Variants in CNTN4 observed in about 807,000 individuals in gnomAD.
CNTN4 encodes the protein contactin-4.
In CNTN4, 77 loss-of-function variants were observed where a neutral mutation model predicts 122.5. The ratio of observed to expected loss-of-function variants is 0.63; its 90% CI spans 0.52 to 0.76. CNTN4 has a LOEUF of 0.76. Among genes scored for constraint, CNTN4 ranks in the 30% least tolerant of loss-of-function variants. The pLI, the probability that CNTN4 is intolerant of heterozygous loss-of-function variation, is 0.00. For synonymous variants in CNTN4, 512 were observed against 447.0 expected (o/e 1.15, Z -1.83); for missense variants, 1,256 against 1,259.1 (o/e 1.00, Z 0.04).
chr3:2,162,423 T>C (rs72622125), intron 2 of CNTN4, among the ~76,000 whole-genome samples: 51,746 of 151,864 alleles, frequency 0.34, 9,399 homozygotes, highest in Admixed American at 0.44. Flanking sequence ...TGTTTTGTTT[T>C]AGTTTTGTTT....
At chr3:2,926,787 T>TA (rs377385084) in intron 13 of CNTN4, among the ~76,000 whole-genome samples, 1 of 151,902 alleles carries the variant, frequency 6.6e-6, no homozygotes, top group African/African-American at 2.4e-5. Flanking sequence ...ATACTTTTTT[T>TA]AACACTTGCT....
At chr3:2,268,901 C>G (rs1370179326) in intron 2 of CNTN4, among the ~76,000 whole-genome samples, 3 of 152,064 alleles carry the variant, frequency 2.0e-5, no homozygotes, top group Non-Finnish European at 1.5e-5. Flanking sequence ...GTTTCTCCTC[C>G]TTTTTATATA....
Position 2,736,354 on chromosome 3 carries a change from A to G in CNTN4, c.182+13A>G, listed in dbSNP as rs774141536. 6.2e-7 allele frequency: 1 copy of G among 1,612,464 alleles called. No individual in the cohort carries two copies. Among genetic ancestry groups the G allele is most frequent in the East Asian group, 2.2e-5 (1 of 44,762 alleles). On this transcript the variant is annotated intron_variant, in intron 5 of 24. Transcript: ENST00000418658. ...AACCTCATATCAGGTTTGTTGATGTAAAAGCATGTGTTTCCATGCATATAG... is the reference window on the plus strand; with the variant it reads ...AACCTCATATCAGGTTTGTTGATGTGAAAGCATGTGTTTCCATGCATATAG...
At chr3:2,532,661 A>G (rs73001906) in intron 3 of CNTN4, among the ~76,000 whole-genome samples, 21,935 of 152,186 alleles carry the variant, frequency 0.14, 1,717 homozygotes, top group Non-Finnish European at 0.17. Flanking sequence ...ACTCTCAAAA[A>G]GCTTAATTTA....
chr3:2,209,588 C>T (rs1302543683), intron 2 of CNTN4, among the ~76,000 whole-genome samples: 7 of 152,104 alleles, frequency 4.6e-5, no homozygotes, highest in Admixed American at 3.9e-4. Flanking sequence ...TAGTTTGCCA[C>T]TTACTATGAT....
chr3:2,992,940 A>C (rs1695184179), intron 14 of CNTN4, among the ~76,000 whole-genome samples: 1 of 151,968 alleles, frequency 6.6e-6, no homozygotes, highest in African/African-American at 2.4e-5. Flanking sequence ...AACAAATCTA[A>C]CTCCTAGGGA....
intron 3 of CNTN4, among the ~76,000 whole-genome samples, chr3:2,554,025 G>C (rs2078621079): frequency 6.6e-6 from 1 of 152,106 alleles, no homozygotes; most frequent in African/African-American, 2.4e-5. Context: ...TCGGTGTACT[G>C]TATATGAATT....
At chr3:2,718,057 ACT>A (rs1344699255) in intron 4 of CNTN4, among the ~76,000 whole-genome samples, 2 of 152,126 alleles carry the variant, frequency 1.3e-5, no homozygotes, top group African/African-American at 4.8e-5. Flanking sequence ...TATGTTGAAT[ACT>A]AGATTATTAT....
rs1373275706 is a variant in CNTN4, at chr3:2,498,510, T to G, written c.-88-72906T>G. Among the ~76,000 whole-genome samples, 24 of 71,832 alleles carry G rather than the reference T, an allele frequency of 3.3e-4. No homozygotes were observed. The South Asian group carries it at 0.01, about 30-fold the overall frequency. 47.1% of individuals were successfully genotyped at this position (71,832 alleles called of 152,430 possible). On this transcript the variant is annotated intron_variant, in intron 3 of 24. Transcript: ENST00000418658. ...GTTGTTGTTGGAGACAGGATCTCGC[T>G]TTGTCACCCAGGCTGGAGTGCATGC... is the stretch of plus-strand genomic sequence containing the variant.
chr3:2,857,288 C>T (rs545732703), intron 7 of CNTN4, among the ~76,000 whole-genome samples: 2 of 152,174 alleles, frequency 1.3e-5, no homozygotes, highest in Non-Finnish European at 2.9e-5. Context: ...CTTTTATGTG[C>T]TTTCCACATT....
chr3:2,469,105 T>C (rs1228156651), intron 3 of CNTN4, among the ~76,000 whole-genome samples: 1 of 152,182 alleles, frequency 6.6e-6, no homozygotes, highest in Non-Finnish European at 1.5e-5. Flanking sequence ...AACTGGTAGT[T>C]AGCTAACCAC....
chr3:3,037,207 C>G lies in CNTN4; in HGVS notation c.1971C>G (p.Phe657Leu). ...TVPELIDGKT[F>L]TATVVGLNPW... The stretch of plus-strand genomic sequence containing the variant: ...CAGAACTCATTGATGGGAAGACATT[C>G]ACAGCGACCGTGGTGGGTTTGAACC... The change falls in exon 18 of 25, where the codon TTC becomes TTG. Residue 657 changes from phenylalanine (F) to leucine (L), a missense_variant. Transcript: ENST00000418658. The G allele has an allele frequency of 6.2e-7, 1 of 1,614,186 alleles. No individual in the cohort carries two copies. Among genetic ancestry groups the G allele is most frequent in the Non-Finnish European group, 8.5e-7 (1 of 1,180,040 alleles).
intron 7 of CNTN4, among the ~76,000 whole-genome samples, chr3:2,850,734 C>T (rs73003230): frequency 0.041 from 6,209 of 152,228 alleles, 159 homozygotes; most frequent in Non-Finnish European, 0.062. Flanking sequence ...AAAGTCATTA[C>T]CTATGCGAAC....
At chr3:2,944,835 G>A (rs377592084) in intron 13 of CNTN4, among the ~76,000 whole-genome samples, 28 of 152,324 alleles carry the variant, frequency 1.8e-4, no homozygotes, top group African/African-American at 6.5e-4. Context: ...CTGCAGGGAA[G>A]TGAGAAAGGC....
chr3:2,845,224 A>G (rs2093434624), intron 7 of CNTN4, among the ~76,000 whole-genome samples: 1 of 152,170 alleles, frequency 6.6e-6, no homozygotes, highest in South Asian at 2.1e-4. Context: ...CTCTAGTATA[A>G]TTCTGTACTC....
At chr3:2,349,520 C>A (rs1222990699) in intron 3 of CNTN4, among the ~76,000 whole-genome samples, 1 of 152,128 alleles carries the variant, frequency 6.6e-6, no homozygotes, top group African/African-American at 2.4e-5. Context: ...TCCATGATTT[C>A]AGCAACACAG....
intron 2 of CNTN4, among the ~76,000 whole-genome samples, chr3:2,327,331 A>T (rs2043505518): frequency 1.3e-5 from 2 of 152,322 alleles, no homozygotes; most frequent in Admixed American, 6.5e-5. Flanking sequence ...TGTGTAGCTC[A>T]ATTCAGTAAA....
Position 2,166,253 on chromosome 3 carries a change from T to A in CNTN4, c.-145+65614T>A, listed in dbSNP as rs754669128. The stretch of plus-strand genomic sequence containing the variant: ...TTAGTATTCATCAGGGAAACGCAAA[T>A]CAAAACCACAATGAAATCTCATCTC... On this transcript the variant is annotated intron_variant, in intron 2 of 24. Transcript: ENST00000418658. Among the ~76,000 whole-genome samples, 80 of 152,202 alleles carry A rather than the reference T, an allele frequency of 5.3e-4. No individual in the cohort carries two copies. The Middle Eastern group carries it at 0.01, about 19-fold the overall frequency.
chr3:2,957,262 C>A (rs1181197571), intron 13 of CNTN4, among the ~76,000 whole-genome samples: 1 of 152,094 alleles, frequency 6.6e-6, no homozygotes, highest in Non-Finnish European at 1.5e-5. Flanking sequence ...CAGCAGTGTA[C>A]AAGTGTTGCC....
Sources: gnomAD v4.1 joint callset for allele counts (sites outside exome capture counted in the v4.1 genomes callset) on GRCh38, gnomAD v4.1.1 for gene constraint, MANE v1.5 for transcripts, NCBI Gene and HGNC (gene_info 2026-07-23, HGNC 2026-07-21) for gene names.